CNTN5: variants seen among roughly 807,000 people sequenced by gnomAD.
CNTN5 encodes the protein contactin 5.
CNTN5 carries 77 observed loss-of-function variants against 129.1 expected under a neutral mutation model. That is an observed-to-expected ratio of 0.60 (90% CI 0.50 to 0.72). The LOEUF (loss-of-function observed/expected upper bound fraction) is 0.72, where lower values mean the gene tolerates loss of function less well. Ranked by LOEUF, CNTN5 falls within the 30% of genes least tolerant of loss-of-function variation. CNTN5 has a pLI of 0.00. For synonymous variants in CNTN5, 509 were observed against 465.6 expected, an observed-to-expected ratio of 1.09 and a Z score of -1.20; for missense variants, 1,478 against 1,328.8, an observed-to-expected ratio of 1.11 and a Z score of -1.75.
At chr11:99,402,753 T>C (rs1018127707) in intron 2 of CNTN5, among the ~76,000 whole-genome samples, 3 of 152,150 alleles carry the variant, frequency 2.0e-5, no homozygotes, top group African/African-American at 4.8e-5. Flanking sequence ...TGTTAATTCT[T>C]GTGGGTCTGT....
At chr11:99,970,122 A>G (rs867436703) in intron 8 of CNTN5, among the ~76,000 whole-genome samples, 35 of 152,248 alleles carry the variant, frequency 2.3e-4, no homozygotes, top group Middle Eastern at 3.4e-3. Context: ...TACATCTGCA[A>G]TGTCATTCTT....
chr11:99,938,461 T>TCA (rs1950363498), intron 7 of CNTN5, among the ~76,000 whole-genome samples: 2 of 152,144 alleles, frequency 1.3e-5, no homozygotes, highest in African/African-American at 4.8e-5. Flanking sequence ...CTTGGAGCAA[T>TCA]CAGCTCTTAG....
At chr11:99,695,034 A>G (rs1357259386) in intron 3 of CNTN5, among the ~76,000 whole-genome samples, 1 of 152,110 alleles carries the variant, frequency 6.6e-6, no homozygotes, top group Non-Finnish European at 1.5e-5. Context: ...GTCTGGTAGC[A>G]TATTACAAAA....
chr11:99,968,185 A>G (rs1272682297), intron 8 of CNTN5, among the ~76,000 whole-genome samples: 1 of 152,124 alleles, frequency 6.6e-6, no homozygotes, highest in Non-Finnish European at 1.5e-5. Context: ...CTGGAGTTAG[A>G]TAGTGTAGTA....
In CNTN5 at chr11:100,266,086, G is replaced by T. The variant is rs73563738; in HGVS notation, c.2165-5006G>T. 9.4e-3 allele frequency among the ~76,000 whole-genome samples: 1,434 copies of T among 152,070 alleles called. 31 individuals carry two copies. Among genetic ancestry groups the T allele is most frequent in the African/African-American group, 0.033 (1,372 of 41,498 alleles). On this transcript the variant is annotated intron_variant, in intron 17 of 24. Transcript: ENST00000524871. Reference sequence around the variant, plus strand: ...TTTTTCAACTGAACAGATTTATTTGGTATTTTATTAATTAAATTGGTGGCT... The same window carrying T: ...TTTTTCAACTGAACAGATTTATTTGTTATTTTATTAATTAAATTGGTGGCT...
intron 1 of CNTN5, among the ~76,000 whole-genome samples, chr11:99,154,904 C>A (rs1026683215): frequency 6.6e-6 from 1 of 152,160 alleles, no homozygotes; most frequent in Admixed American, 6.5e-5. Flanking sequence ...AGCATGAAAA[C>A]CCTTGGGAGA....
intron 1 of CNTN5, among the ~76,000 whole-genome samples, chr11:99,317,714 C>T (rs1033026660): frequency 4.6e-5 from 7 of 151,834 alleles, no homozygotes; most frequent in Non-Finnish European, 7.4e-5. Context: ...ATGATTTTAG[C>T]GTTGCTACTG....
chr11:99,234,493 T>C (rs1160058470), intron 1 of CNTN5, among the ~76,000 whole-genome samples: 1 of 151,014 alleles, frequency 6.6e-6, no homozygotes, highest in East Asian at 1.9e-4. Flanking sequence ...TAAGTTCTAT[T>C]ATGTAATTTC....
intron 3 of CNTN5, among the ~76,000 whole-genome samples, chr11:99,812,002 C>T (rs143450304): frequency 7.8e-4 from 119 of 152,064 alleles, no homozygotes; most frequent in African/African-American, 2.6e-3. Context: ...GCTAATTATC[C>T]GTCCTGTATG....
At chr11:100,279,594 G>A (rs1296712363) in intron 18 of CNTN5, among the ~76,000 whole-genome samples, 1 of 151,694 alleles carries the variant, frequency 6.6e-6, no homozygotes, top group Non-Finnish European at 1.5e-5. Flanking sequence ...CCAATTTATT[G>A]GCACATAGTT....
At chr11:100,186,380 T>G (rs1157576393) in intron 13 of CNTN5, among the ~76,000 whole-genome samples, 2 of 151,906 alleles carry the variant, frequency 1.3e-5, no homozygotes, top group African/African-American at 2.4e-5. Flanking sequence ...GTCTCAAAAA[T>G]AAATAAAAAT....
chr11:99,626,213 C>T (rs1211619590), intron 3 of CNTN5, among the ~76,000 whole-genome samples: 2 of 151,924 alleles, frequency 1.3e-5, no homozygotes, highest in Non-Finnish European at 2.9e-5. Flanking sequence ...TTAATTCAGC[C>T]TGATGGAAAC....
At chr11:100,030,724 T>A (rs1008782829) in intron 9 of CNTN5, among the ~76,000 whole-genome samples, 4 of 152,232 alleles carry the variant, frequency 2.6e-5, no homozygotes, top group African/African-American at 9.6e-5. Flanking sequence ...ACTTAATGTC[T>A]TTTTCAGTTT....
intron 6 of CNTN5, among the ~76,000 whole-genome samples, chr11:99,866,493 C>T (rs1248225734): frequency 6.6e-6 from 1 of 152,064 alleles, no homozygotes; most frequent in Non-Finnish European, 1.5e-5. Context: ...GAAAGAAGTC[C>T]AGGTTCTTTT....
At chr11:100,195,004 G>A (rs976750849) in intron 15 of CNTN5, among the ~76,000 whole-genome samples, 7 of 149,900 alleles carry the variant, frequency 4.7e-5, no homozygotes, top group Non-Finnish European at 1.0e-4. Flanking sequence ...CAAGTTATAT[G>A]TAAAGTATTT....
intron 3 of CNTN5, among the ~76,000 whole-genome samples, chr11:99,732,372 CA>C (rs1176488351): frequency 6.7e-6 from 1 of 149,750 alleles, no homozygotes. Context: ...AGCAGAAATA[CA>C]TTTTAAAAAC....
At chr11:99,820,270 C>A (rs778808718) in intron 4 of CNTN5, among the ~76,000 whole-genome samples, 1 of 152,290 alleles carries the variant, frequency 6.6e-6, no homozygotes, top group African/African-American at 2.4e-5. Flanking sequence ...TAAAAATAGA[C>A]ATTTTTGGAA....
At chr11:99,953,408 G>A (rs187991603) in intron 7 of CNTN5, among the ~76,000 whole-genome samples, 547 of 152,286 alleles carry the variant, frequency 3.6e-3, no homozygotes, top group Middle Eastern at 6.8e-3. Flanking sequence ...ACCTGGAAAT[G>A]TTCTCACTAC....
At chr11:100,087,266 A>T (rs968116603) in intron 13 of CNTN5, among the ~76,000 whole-genome samples, 1 of 151,850 alleles carries the variant, frequency 6.6e-6, no homozygotes, top group Non-Finnish European at 1.5e-5. Context: ...ATAAAAAATG[A>T]TATTTCAAAT....
Sources: gnomAD v4.1 joint callset for allele counts (sites outside exome capture counted in the v4.1 genomes callset) on GRCh38, gnomAD v4.1.1 for gene constraint, MANE v1.5 for transcripts, NCBI Gene and HGNC (gene_info 2026-07-23, HGNC 2026-07-21) for gene names.